Variants in VRK2 observed in about 807,000 individuals in gnomAD.
VRK2 encodes VRK serine/threonine kinase 2.
VRK2 carries 60 observed loss-of-function variants against 57.6 expected under a neutral mutation model. The ratio of observed to expected loss-of-function variants is 1.04; its 90% CI spans 0.85 to 1.29. VRK2 has a LOEUF of 1.29. Ranked by LOEUF, VRK2 falls within the 50% of genes most tolerant of loss-of-function variation. The probability of loss-of-function intolerance (pLI) is 0.00; values close to 1 mark genes in which losing one functional copy is unlikely to be tolerated. For synonymous variants in VRK2, 231 were observed against 199.2 expected, an observed-to-expected ratio of 1.16 and a Z score of -1.35; for missense variants, 705 against 588.1, an observed-to-expected ratio of 1.20 and a Z score of -2.06.
intron 11 of VRK2, among the ~76,000 whole-genome samples, chr2:58,145,036 T>C (rs966383965): frequency 6.6e-6 from 1 of 152,024 alleles, no homozygotes; most frequent in Non-Finnish European, 1.5e-5. Flanking sequence ...CCCTTTGTGC[T>C]GTTCCTATCT....
In VRK2 at chr2:57,927,675, A is replaced by AT. The variant is rs993401444; in HGVS notation, c.-439+19842dup. Among the ~76,000 whole-genome samples, 6 of 152,004 alleles carry AT rather than the reference A, an allele frequency of 3.9e-5. No homozygotes were observed. In the South Asian group the frequency reaches 8.3e-4, roughly 21 times the overall value. ...TTTCTTACTGCTCATTAATGTCTTC[A>AT]TTTTTTCAGATTAAAAAACTCCCTT... On this transcript the variant is annotated intron_variant, in intron 1 of 15. Transcript: ENST00000417641.
chr2:58,121,626 T>G (rs1407250578), intron 7 of VRK2, among the ~76,000 whole-genome samples: 1 of 152,224 alleles, frequency 6.6e-6, no homozygotes, highest in Non-Finnish European at 1.5e-5. Context: ...AAGTTTAAAA[T>G]ATCTCTTACT....
At chr2:58,133,049 C>T (rs1051741866) in intron 9 of VRK2, among the ~76,000 whole-genome samples, 14 of 151,944 alleles carry the variant, frequency 9.2e-5, no homozygotes, top group Non-Finnish European at 1.6e-4. Context: ...AACTAGTTTA[C>T]CTAATTAGAA....
At chr2:57,913,122 T>C (rs946256595) in intron 1 of VRK2, among the ~76,000 whole-genome samples, 2 of 152,166 alleles carry the variant, frequency 1.3e-5, no homozygotes, top group African/African-American at 4.8e-5. Context: ...ATTTTTGTTA[T>C]AGCAGCCTGA....
intron 7 of VRK2, among the ~76,000 whole-genome samples, chr2:58,105,037 C>G (rs1242939407): frequency 6.6e-6 from 1 of 151,698 alleles, no homozygotes; most frequent in Non-Finnish European, 1.5e-5. Context: ...ACCCCTATCT[C>G]TCACCATATA....
chr2:58,004,306 C>A (rs979681244), intron 1 of VRK2, among the ~76,000 whole-genome samples: 13 of 152,110 alleles, frequency 8.5e-5, no homozygotes, highest in African/African-American at 3.1e-4. Context: ...ACTGTGTATT[C>A]TCTGAAGATG....
intron 7 of VRK2, among the ~76,000 whole-genome samples, chr2:58,119,509 A>G (rs1408195979): frequency 6.7e-6 from 1 of 149,038 alleles, no homozygotes; most frequent in Non-Finnish European, 1.5e-5. Context: ...TTAGCATGCC[A>G]AAGTGCTGTA....
chr2:57,918,419 A>C (rs1393147750), intron 1 of VRK2, among the ~76,000 whole-genome samples: 1 of 152,098 alleles, frequency 6.6e-6, no homozygotes, highest in Non-Finnish European at 1.5e-5. Context: ...TTACCCTGGC[A>C]TATGGCTCAA....
chr2:58,027,937 T>A (rs557304749), intron 2 of VRK2, among the ~76,000 whole-genome samples: 12 of 152,276 alleles, frequency 7.9e-5, no homozygotes, highest in South Asian at 4.1e-4. Context: ...AACAACATAG[T>A]TTTAGAAAAA....
chr2:57,943,661 A>T (rs78067583), intron 1 of VRK2, among the ~76,000 whole-genome samples: 1 of 152,218 alleles, frequency 6.6e-6, no homozygotes, highest in South Asian at 2.1e-4. Context: ...ATATATGGTG[A>T]TGATGATCAC....
At chr2:58,046,736 A>G (rs1298684358), upstream of VRK2, 3 of 985,522 alleles carry the variant, frequency 3.0e-6, no homozygotes, top group Non-Finnish European at 3.6e-6. Context: ...GAAGTTAGGC[A>G]GGTCCTAGGG....
chr2:58,126,144 G>C (rs1223386914), intron 8 of VRK2, among the ~76,000 whole-genome samples: 2 of 148,876 alleles, frequency 1.3e-5, no homozygotes, highest in African/African-American at 2.5e-5. Context: ...AGTACAAAAA[G>C]CAAAAAAAAA....
chr2:57,960,895 C>A (rs1051245722), intron 1 of VRK2, among the ~76,000 whole-genome samples: 3 of 152,244 alleles, frequency 2.0e-5, no homozygotes, highest in Non-Finnish European at 4.4e-5. Context: ...TCACCAGTCT[C>A]TCTTCCGAGA....
At chr2:58,087,608 G>A (rs569189717) in intron 5 of VRK2, among the ~76,000 whole-genome samples, 1 of 152,250 alleles carries the variant, frequency 6.6e-6, no homozygotes, top group African/African-American at 2.4e-5. Flanking sequence ...GTGCCAAACA[G>A]AACAGAAAAG....
intron 7 of VRK2, among the ~76,000 whole-genome samples, chr2:58,090,252 T>C (rs1471500796): frequency 6.6e-6 from 1 of 151,728 alleles, no homozygotes; most frequent in East Asian, 1.9e-4. Flanking sequence ...AAAAATTAGC[T>C]GGGTGTGGTG....
intron 7 of VRK2, among the ~76,000 whole-genome samples, chr2:58,100,521 C>T (rs993523943): frequency 2.0e-5 from 3 of 151,706 alleles, no homozygotes; most frequent in African/African-American, 4.8e-5. Flanking sequence ...TTATTCTTTC[C>T]TTCCTTGTGA....
intron 1 of VRK2, among the ~76,000 whole-genome samples, chr2:57,934,523 T>C (rs1048168355): frequency 6.6e-6 from 1 of 152,250 alleles, no homozygotes; most frequent in Non-Finnish European, 1.5e-5. Flanking sequence ...TTTTAGACTG[T>C]CTGATTTTAT....
chr2:58,109,855 C>A (rs1418718012), intron 7 of VRK2, among the ~76,000 whole-genome samples: 1 of 152,064 alleles, frequency 6.6e-6, no homozygotes, highest in African/African-American at 2.4e-5. Context: ...TTCTTTCTTT[C>A]TGTATGTAAA....
chr2:57,920,088 G>C (rs1228269239), intron 1 of VRK2, among the ~76,000 whole-genome samples: 1 of 151,996 alleles, frequency 6.6e-6, no homozygotes, highest in African/African-American at 2.4e-5. Context: ...ATACAAAAAA[G>C]CACCTGAAAA....
Sources: gnomAD v4.1 joint callset for allele counts (sites outside exome capture counted in the v4.1 genomes callset) on GRCh38, gnomAD v4.1.1 for gene constraint, MANE v1.5 for transcripts, NCBI Gene and HGNC (gene_info 2026-07-23, HGNC 2026-07-21) for gene names.